The following RBMS3 variants were observed in gnomAD, a reference collection of about 807,000 sequenced individuals.
RBMS3 encodes RNA-binding motif, single-stranded-interacting protein 3.
Under a neutral mutation model 66.8 loss-of-function variants are expected in RBMS3, and 27 were observed. That is an observed-to-expected ratio of 0.40 (90% CI 0.30 to 0.56). The LOEUF is 0.56. Ranked by LOEUF, RBMS3 falls within the 20% of genes least tolerant of loss-of-function variation. RBMS3 has a pLI of 0.40. For missense variants in RBMS3, 513 were observed against 549.5 expected (o/e 0.93, Z 0.66); for synonymous variants, 188 against 183.0 (o/e 1.03, Z -0.22).
intron 3 of RBMS3, among the ~76,000 whole-genome samples, chr3:29,549,016 G>A (rs1304426604): frequency 6.9e-6 from 1 of 144,328 alleles, no homozygotes; most frequent in Non-Finnish European, 1.5e-5. Context: ...AGAAAACAAA[G>A]ATATGTACAC....
At chr3:29,737,294 A>C (rs2149345399) in intron 4 of RBMS3, among the ~76,000 whole-genome samples, 1 of 152,292 alleles carries the variant, frequency 6.6e-6, no homozygotes, top group South Asian at 2.1e-4. Flanking sequence ...ATTTTTTAAA[A>C]TAGATTTATT....
chr3:29,612,868 C>G (rs1003382110), intron 4 of RBMS3, among the ~76,000 whole-genome samples: 25 of 152,096 alleles, frequency 1.6e-4, no homozygotes, highest in African/African-American at 5.6e-4. Flanking sequence ...TTACAAATGA[C>G]AATTTTCACA....
At chr3:29,860,521 A>G (rs17024504) in intron 6 of RBMS3, among the ~76,000 whole-genome samples, 4,892 of 152,064 alleles carry the variant, frequency 0.032, 236 homozygotes, top group African/African-American at 0.096. Flanking sequence ...ACATTCTATG[A>G]CTGTAGTGCT....
At chr3:29,511,452 G>A (rs2044406263) in intron 3 of RBMS3, among the ~76,000 whole-genome samples, 1 of 152,170 alleles carries the variant, frequency 6.6e-6, no homozygotes, top group African/African-American at 2.4e-5. Flanking sequence ...TTAATATTCA[G>A]TATATAACAT....
At chr3:29,945,668 A>G (rs965427030) in intron 12 of RBMS3, among the ~76,000 whole-genome samples, 2 of 151,768 alleles carry the variant, frequency 1.3e-5, no homozygotes, top group African/African-American at 2.4e-5. Context: ...CTTACCTTCA[A>G]CTGGGTTTCC....
At chr3:29,589,241 C>T (rs2047642052) in intron 4 of RBMS3, among the ~76,000 whole-genome samples, 1 of 152,070 alleles carries the variant, frequency 6.6e-6, no homozygotes, top group East Asian at 1.9e-4. Context: ...TCCCCCGCAC[C>T]CTCTGACTCT....
chr3:29,656,695 A>T (rs1385940242), intron 4 of RBMS3, among the ~76,000 whole-genome samples: 1 of 151,394 alleles, frequency 6.6e-6, no homozygotes, highest in East Asian at 2.0e-4. Context: ...TAGATACCTT[A>T]GGACACAAGG....
intron 2 of RBMS3, among the ~76,000 whole-genome samples, chr3:29,449,266 T>C (rs1052361039): frequency 3.9e-5 from 6 of 152,346 alleles, no homozygotes; most frequent in Admixed American, 3.9e-4. Context: ...AATAGTGTTA[T>C]GTCTAGTTTG....
intron 10 of RBMS3, among the ~76,000 whole-genome samples, chr3:29,928,172 T>C (rs1174918419): frequency 3.0e-4 from 39 of 129,948 alleles, no homozygotes; most frequent in Non-Finnish European, 4.8e-4. Context: ...TCTGCTCCTC[T>C]TCAAATTTTA....
chr3:29,374,134 T>G (rs1389979146), intron 1 of RBMS3, among the ~76,000 whole-genome samples: 1 of 152,300 alleles, frequency 6.6e-6, no homozygotes, highest in East Asian at 1.9e-4. Context: ...CTTTTCTCCA[T>G]CTGCATGTAA....
intron 10 of RBMS3, among the ~76,000 whole-genome samples, chr3:29,921,793 T>C (rs572642670): frequency 6.6e-6 from 1 of 152,294 alleles, no homozygotes; most frequent in East Asian, 1.9e-4. Flanking sequence ...TGCAATCCGG[T>C]GTGTCTACAA....
chr3:29,917,694 A>G (rs2149647174), intron 10 of RBMS3, among the ~76,000 whole-genome samples: 1 of 152,230 alleles, frequency 6.6e-6, no homozygotes, highest in East Asian at 1.9e-4. Flanking sequence ...CCACTAAACT[A>G]ATAGTGGATG....
chr3:29,844,644 G>A (rs2058736873), intron 6 of RBMS3, among the ~76,000 whole-genome samples: 1 of 152,140 alleles, frequency 6.6e-6, no homozygotes, highest in Non-Finnish European at 1.5e-5. Flanking sequence ...TCAGTGGAAG[G>A]TTCAGATTTT....
chr3:29,807,844 A>G (rs963942298), intron 6 of RBMS3, among the ~76,000 whole-genome samples: 1 of 151,770 alleles, frequency 6.6e-6, no homozygotes, highest in African/African-American at 2.4e-5. Context: ...ATGGAAAAAT[A>G]GTAATTTCAT....
intron 4 of RBMS3, among the ~76,000 whole-genome samples, chr3:29,592,443 C>A (rs1292590519): frequency 1.3e-5 from 2 of 152,202 alleles, no homozygotes; most frequent in East Asian, 3.9e-4. Context: ...AAATGCAAAT[C>A]AAAACCACAG....
intron 12 of RBMS3, among the ~76,000 whole-genome samples, chr3:29,949,522 C>T (rs999379979): frequency 2.6e-5 from 4 of 151,818 alleles, no homozygotes; most frequent in African/African-American, 9.7e-5. Context: ...GTATTCCAAA[C>T]TAAATACTGT....
chr3:29,616,084 A>C (rs889852207), intron 4 of RBMS3: 1 of 152,244 alleles, frequency 6.6e-6, no homozygotes, highest in African/African-American at 2.4e-5. Flanking sequence ...GGGTGGTTAC[A>C]GGAGAAAAGT....
At chr3:29,316,801 G>A (rs969132139) in intron 1 of RBMS3, among the ~76,000 whole-genome samples, 2 of 151,690 alleles carry the variant, frequency 1.3e-5, no homozygotes, top group African/African-American at 4.8e-5. Flanking sequence ...TGAGGCTTGT[G>A]TAAGTGGTGA....
At chr3:29,380,652 A>G (rs561468207) in intron 1 of RBMS3, among the ~76,000 whole-genome samples, 1 of 152,340 alleles carries the variant, frequency 6.6e-6, no homozygotes, top group African/African-American at 2.4e-5. Context: ...CAAGGGATGG[A>G]GCCAGGAATA....
Sources: allele counts gnomAD v4.1 joint callset (sites outside exome capture counted in the v4.1 genomes callset), GRCh38; gene constraint gnomAD v4.1.1; transcripts MANE v1.5; gene names NCBI Gene and HGNC (gene_info 2026-07-23, HGNC 2026-07-21).